The following NRG3 variants were observed in gnomAD, a reference collection of about 807,000 sequenced individuals.
The protein encoded by NRG3 is neuregulin 3.
NRG3 carries 31 observed loss-of-function variants against 66.9 expected under a neutral mutation model. That is an observed-to-expected ratio of 0.46 (90% confidence interval 0.35 to 0.63). The LOEUF (loss-of-function observed/expected upper bound fraction) is 0.63. NRG3 is among the 20% of genes least tolerant of loss of function. The pLI, the probability that NRG3 is intolerant of heterozygous loss-of-function variation, is 0.00. For missense variants in NRG3, 910 were observed against 878.9 expected (o/e 1.04, Z -0.45); for synonymous variants, 393 against 359.4 (o/e 1.09, Z -1.06).
chr10:82,203,542 T>G (rs2074958584), intron 1 of NRG3, among the ~76,000 whole-genome samples: 1 of 152,178 alleles, frequency 6.6e-6, no homozygotes, highest in Admixed American at 6.5e-5. Flanking sequence ...GCATAAAGAC[T>G]AGGCTTAGAA....
chr10:82,314,955 T>C (rs2081219750), intron 1 of NRG3, among the ~76,000 whole-genome samples: 1 of 152,190 alleles, frequency 6.6e-6, no homozygotes, highest in African/African-American at 2.4e-5. Context: ...ACCTCATTTT[T>C]TACACTATAA....
At chr10:82,485,191 G>A (rs541588529) in intron 2 of NRG3, among the ~76,000 whole-genome samples, 1 of 151,712 alleles carries the variant, frequency 6.6e-6, no homozygotes, top group African/African-American at 2.4e-5. Flanking sequence ...ACACAACTGT[G>A]TCCCCACTAT....
chr10:82,402,433 T>A (rs1453091061), intron 2 of NRG3, among the ~76,000 whole-genome samples: 1 of 152,142 alleles, frequency 6.6e-6, no homozygotes, highest in Non-Finnish European at 1.5e-5. Context: ...CCAAAGAAGT[T>A]GTTTTTATTT....
intron 1 of NRG3, among the ~76,000 whole-genome samples, chr10:82,235,795 CT>C (rs1230765889): frequency 6.6e-6 from 1 of 152,180 alleles, no homozygotes; most frequent in Non-Finnish European, 1.5e-5. Context: ...GATTCTGCCT[CT>C]TTTGCTGACC....
At chr10:82,984,200 G>A (rs780182569) in intron 8 of NRG3, among the ~76,000 whole-genome samples, 29 of 152,100 alleles carry the variant, frequency 1.9e-4, no homozygotes, top group South Asian at 4.1e-4. Context: ...AATCTGCTGC[G>A]TACCTGTCCC....
chr10:82,567,947 G>A (rs766873300), intron 2 of NRG3, among the ~76,000 whole-genome samples: 4 of 151,908 alleles, frequency 2.6e-5, no homozygotes, highest in Non-Finnish European at 5.9e-5. Flanking sequence ...AAGGACCATT[G>A]TAGTTAAGCC....
chr10:82,608,025 T>C (rs1043612349), intron 2 of NRG3, among the ~76,000 whole-genome samples: 2 of 152,146 alleles, frequency 1.3e-5, no homozygotes, highest in Non-Finnish European at 2.9e-5. Context: ...TGTATTCCTT[T>C]TCTAATGCTC....
chr10:82,731,513 G>C (rs757794873), intron 2 of NRG3, among the ~76,000 whole-genome samples: 1 of 152,106 alleles, frequency 6.6e-6, no homozygotes, highest in Non-Finnish European at 1.5e-5. Flanking sequence ...ACGTGATAAC[G>C]TGGTATTTGT....
At chr10:81,896,526 T>C (rs1348302802) in intron 1 of NRG3, among the ~76,000 whole-genome samples, 1 of 152,148 alleles carries the variant, frequency 6.6e-6, no homozygotes, top group Non-Finnish European at 1.5e-5. Flanking sequence ...GTAAGGTGAT[T>C]TATATTTTTG....
chr10:82,765,794 C>T (rs748974283), intron 3 of NRG3, among the ~76,000 whole-genome samples: 2 of 151,970 alleles, frequency 1.3e-5, no homozygotes, highest in Non-Finnish European at 2.9e-5. Context: ...GGTTTGTAGA[C>T]TGAATTTTAG....
intron 2 of NRG3, among the ~76,000 whole-genome samples, chr10:82,714,746 G>A (rs1403574421): frequency 6.6e-6 from 1 of 152,150 alleles, no homozygotes; most frequent in South Asian, 2.1e-4. Context: ...AATTAGCAAT[G>A]TATATAGTTC....
At chr10:82,337,408 G>T (rs1205462441) in intron 1 of NRG3, among the ~76,000 whole-genome samples, 1 of 152,076 alleles carries the variant, frequency 6.6e-6, no homozygotes, top group Non-Finnish European at 1.5e-5. Context: ...TTCATCACTT[G>T]GTGGACAATG....
intron 2 of NRG3, among the ~76,000 whole-genome samples, chr10:82,359,956 C>T (rs936237260): frequency 4.6e-5 from 7 of 152,124 alleles, no homozygotes; most frequent in African/African-American, 1.4e-4. Flanking sequence ...GATGTATTGC[C>T]ACACTGAGCA....
At chr10:82,874,975 G>A (rs1211510095) in intron 4 of NRG3, among the ~76,000 whole-genome samples, 2 of 152,162 alleles carry the variant, frequency 1.3e-5, no homozygotes, top group Non-Finnish European at 2.9e-5. Flanking sequence ...AATTATCCAA[G>A]CTACAAGCAA....
At position 82,985,680 on chromosome 10, in the gene NRG3, T is replaced by C; in HGVS notation, c.*75T>C. On this transcript the variant is annotated 3_prime_UTR_variant, in exon 9 of 9. Coordinates refer to ENST00000372141, the MANE Select transcript of NRG3 (RefSeq NM_001010848.4). ...GAGGAAATCAAATACAAATTATTTA[T>C]ATGCATTAATTTAAGAGCATCTACT... 1.4e-6 allele frequency: 2 copies of C among 1,462,752 alleles called. No individual in the cohort carries two copies. Among genetic ancestry groups the C allele is most frequent in the Non-Finnish European group, 9.2e-7 (1 of 1,089,724 alleles). 90.6% of individuals were successfully genotyped at this position (1,462,752 alleles called of 1,614,324 possible). A position where few individuals can be genotyped will look rare whatever the true frequency, so the allele number is the denominator to read the frequency against.
chr10:82,158,066 G>A (rs1029452196), intron 1 of NRG3, among the ~76,000 whole-genome samples: 36 of 151,710 alleles, frequency 2.4e-4, no homozygotes, highest in African/African-American at 8.2e-4. Context: ...CTCCTATCAA[G>A]GTAGTTTAGA....
intron 1 of NRG3, among the ~76,000 whole-genome samples, chr10:82,036,958 A>G (rs892071299): frequency 6.6e-6 from 1 of 152,170 alleles, no homozygotes; most frequent in African/African-American, 2.4e-5. Flanking sequence ...TGATCAGACT[A>G]CTACCACGCT....
chr10:82,539,890 G>C (rs554567792), intron 2 of NRG3, among the ~76,000 whole-genome samples: 1 of 151,932 alleles, frequency 6.6e-6, no homozygotes, highest in Non-Finnish European at 1.5e-5. Flanking sequence ...CCTTGGCCTC[G>C]CAAAGTGCTG....
At chr10:82,334,151 A>AAAG (rs200610217) in intron 1 of NRG3, among the ~76,000 whole-genome samples, 18,951 of 142,494 alleles carry the variant, frequency 0.13, 1,536 homozygotes, top group East Asian at 0.27. Flanking sequence ...AAAAAAAAAA[A>AAAG]AAAAGAAAAG....
Sources: gnomAD v4.1 joint callset for allele counts (sites outside exome capture counted in the v4.1 genomes callset) on GRCh38, gnomAD v4.1.1 for gene constraint, MANE v1.5 for transcripts, NCBI Gene and HGNC (gene_info 2026-07-23, HGNC 2026-07-21) for gene names.